LGR5: variants seen among roughly 807,000 people sequenced by gnomAD.
The protein encoded by LGR5 is leucine-rich repeat-containing G protein-coupled receptor 5.
LGR5 carries 54 observed loss-of-function variants against 76.7 expected under a neutral mutation model. That is an observed-to-expected ratio of 0.70 (90% CI 0.57 to 0.88). The LOEUF is 0.88. LGR5 is among the 40% of genes least tolerant of loss of function. The probability of loss-of-function intolerance (pLI) is 0.00; values close to 1 mark genes in which losing one functional copy is unlikely to be tolerated. For synonymous variants in LGR5, 406 were observed against 421.9 expected, an observed-to-expected ratio of 0.96 and a Z score of 0.46; for missense variants, 1,078 against 1,073.3, an observed-to-expected ratio of 1.00 and a Z score of -0.06.
intron 11 of LGR5, among the ~76,000 whole-genome samples, chr12:71,571,101 T>C (rs1049830799): frequency 1.3e-5 from 2 of 152,224 alleles, no homozygotes; most frequent in Admixed American, 6.5e-5. Context: ...ATGTTTTGAA[T>C]TGTTAGGTTT....
chr12:71,492,806 G>A (rs1874133196), intron 1 of LGR5, among the ~76,000 whole-genome samples: 3 of 145,618 alleles, frequency 2.1e-5, no homozygotes, highest in Non-Finnish European at 1.5e-5. Context: ...TATGCATGAA[G>A]AGGCCCTCTT....
chr12:71,528,706 G>A (rs1876145660), intron 3 of LGR5, among the ~76,000 whole-genome samples: 1 of 152,094 alleles, frequency 6.6e-6, no homozygotes, highest in Admixed American at 6.5e-5. Flanking sequence ...AATTTATGTT[G>A]TGATAATTAT....
chr12:71,548,301 CTG>C (rs10629001), intron 4 of LGR5, among the ~76,000 whole-genome samples: 33 of 104,066 alleles, frequency 3.2e-4, no homozygotes, highest in African/African-American at 8.4e-4. Flanking sequence ...CCTTGTTGCA[CTG>C]TGTGTGTGTG....
chr12:71,444,817 A>G (rs1871910888), intron 1 of LGR5, among the ~76,000 whole-genome samples: 1 of 152,300 alleles, frequency 6.6e-6, no homozygotes. Flanking sequence ...TTCAAAATAT[A>G]TATCTATCAA....
At chr12:71,488,700 C>T (rs567635388) in intron 1 of LGR5, among the ~76,000 whole-genome samples, 2 of 152,238 alleles carry the variant, frequency 1.3e-5, no homozygotes, top group South Asian at 4.1e-4. Context: ...TATAAGGGGC[C>T]AATTTGTAAT....
rs780442021 is a variant in LGR5 at position 71,580,406 on chromosome 12, G to C, written c.1535G>C (p.Gly512Ala). ...SMDDLHKKDA[G>A]MFQAQDERDL... ...GACGACCTTCATAAGAAAGATGCTG[G>C]AATGTTTCAGGCTCAAGGTAGGACT... is the stretch of plus-strand genomic sequence containing the variant. Residue 512 changes from glycine to alanine, a missense_variant, in exon 16 of 18, where the codon GGA (glycine) becomes GCA (alanine). Transcript: ENST00000266674. 1 of 1,613,498 alleles carries C rather than the reference G, an allele frequency of 6.2e-7. No homozygotes were observed.
intron 1 of LGR5, among the ~76,000 whole-genome samples, chr12:71,498,364 C>CA (rs1170738915): frequency 1.1e-4 from 17 of 152,150 alleles, no homozygotes; most frequent in Non-Finnish European, 2.1e-4. Context: ...TCTTAAACAA[C>CA]AAAAACATAT....
At position 71,583,770 on chromosome 12, in the gene LGR5, T is replaced by C. The variant is rs1341733153; in HGVS notation, c.1760T>C (p.Leu587Pro). The change falls in exon 18 of 18, where the codon CTG becomes CCG. Residue 587 changes from leucine (L) to proline (P), a missense_variant. Leu to Pro is a moderately conservative substitution (Grantham distance 98, BLOSUM62 -3). Transcript: ENST00000266674. ...ACTTCAACAGTTTTCAGATCCCCTC[T>C]GTACATTTCCCCCATTAAACTGTTA... ...LVTSTVFRSP[L>P]YISPIKLLIG... The C allele has an allele frequency of 6.2e-7, 1 of 1,614,156 alleles. No homozygotes were observed. Among genetic ancestry groups the C allele is most frequent in the East Asian group, 2.2e-5 (1 of 44,854 alleles).
chr12:71,446,024 T>G (rs1161482700), intron 1 of LGR5, among the ~76,000 whole-genome samples: 2 of 152,170 alleles, frequency 1.3e-5, no homozygotes, highest in African/African-American at 4.8e-5. Context: ...TCTTCTTCTT[T>G]GGCTGTGAGC....
intron 3 of LGR5, among the ~76,000 whole-genome samples, chr12:71,532,875 C>T (rs1254094539): frequency 3.3e-5 from 5 of 151,800 alleles, no homozygotes; most frequent in African/African-American, 1.2e-4. Flanking sequence ...CTCTCACTTC[C>T]CCAAGTGAAA....
At chr12:71,557,355 A>G (rs150594168) in intron 6 of LGR5, among the ~76,000 whole-genome samples, 2 of 152,314 alleles carry the variant, frequency 1.3e-5, no homozygotes, top group African/African-American at 4.8e-5. Context: ...CAAATATTGC[A>G]CTGAGCATTT....
chr12:71,519,751 G>A (rs1000583532), intron 2 of LGR5, among the ~76,000 whole-genome samples: 97 of 152,126 alleles, frequency 6.4e-4, no homozygotes, highest in African/African-American at 1.6e-3. Context: ...GCTTGAGCTT[G>A]GGAGGCAAGG....
At chr12:71,465,222 C>T (rs997854643) in intron 1 of LGR5, among the ~76,000 whole-genome samples, 4 of 152,144 alleles carry the variant, frequency 2.6e-5, no homozygotes, top group Non-Finnish European at 2.9e-5. Flanking sequence ...CATACCCTAA[C>T]ATCTCCTAAA....
intron 13 of LGR5, 68 bp from the exon 14 acceptor site, chr12:71,577,857 T>G (rs1878925001): frequency 3.0e-6 from 3 of 999,798 alleles, no homozygotes; most frequent in Admixed American, 1.8e-5. Context: ...GAAGACTAAA[T>G]GCATATGATA....
intron 14 of LGR5, 89 bp downstream of exon 14, chr12:71,578,085 T>C (rs934597434): frequency 6.2e-5 from 61 of 991,458 alleles, no homozygotes; most frequent in Non-Finnish European, 3.7e-5. Context: ...TTGAAGAAGC[T>C]GGATATGCAC....
intron 2 of LGR5, 37 bp downstream of exon 2, chr12:71,504,722 A>G (rs1343611783): frequency 9.5e-6 from 14 of 1,466,560 alleles, no homozygotes; most frequent in Non-Finnish European, 1.1e-5. Context: ...TCCAGTCAAC[A>G]CTGGGCACAT....
intron 15 of LGR5, 142 bp downstream of exon 15, chr12:71,579,071 A>G (rs1878984224): frequency 7.4e-6 from 5 of 679,064 alleles, no homozygotes; most frequent in African/African-American, 1.9e-5. Flanking sequence ...ACCCTGGAGC[A>G]TTGTTAGGAC....
At chr12:71,460,397 T>C (rs1872640373) in intron 1 of LGR5, among the ~76,000 whole-genome samples, 1 of 152,082 alleles carries the variant, frequency 6.6e-6, no homozygotes, top group African/African-American at 2.4e-5. Context: ...AAGCGTAAGG[T>C]CCTTCTTCAA....
chr12:71,460,754 C>T (rs370537480), intron 1 of LGR5, among the ~76,000 whole-genome samples: 7 of 152,144 alleles, frequency 4.6e-5, no homozygotes, highest in Middle Eastern at 3.2e-3. Context: ...CAGCCCCATT[C>T]TTCCTCCTCT....
Sources: allele counts gnomAD v4.1 joint callset (sites outside exome capture counted in the v4.1 genomes callset), GRCh38; gene constraint gnomAD v4.1.1; transcripts MANE v1.5; gene names NCBI Gene and HGNC (gene_info 2026-07-23, HGNC 2026-07-21).